TRPM1: variants seen among roughly 807,000 people sequenced by gnomAD.
The protein encoded by TRPM1 is transient receptor potential cation channel subfamily M member 1.
TRPM1 carries 113 observed loss-of-function variants against 149.4 expected under a neutral mutation model. The observed-to-expected ratio is 0.76, with a 90% confidence interval of 0.65 to 0.88. TRPM1 has a LOEUF of 0.88. Among genes scored for constraint, TRPM1 ranks in the 40% least tolerant of loss-of-function variants. TRPM1 has a pLI of 0.00. For missense variants in TRPM1, 1,976 were observed against 2,038.7 expected (o/e 0.97, Z 0.59); for synonymous variants, 741 against 759.5 (o/e 0.98, Z 0.40).
At chr15:31,088,537 T>C (rs2035077087) in intron 1 of TRPM1, among the ~76,000 whole-genome samples, 1 of 152,122 alleles carries the variant, frequency 6.6e-6, no homozygotes, top group African/African-American at 2.4e-5. Context: ...CTTTAAGAGC[T>C]GTAACACTTG....
intron 24 of TRPM1, 136 bp from the exon 25 acceptor site, chr15:31,028,612 G>C: frequency 8.5e-7 from 1 of 1,170,208 alleles, no homozygotes; most frequent in South Asian, 1.4e-5. Context: ...TTTTTTCCAT[G>C]GGAAAAAATA....
chr15:31,031,717 TAA>T (rs1432784228), intron 22 of TRPM1, among the ~76,000 whole-genome samples: 4 of 152,196 alleles, frequency 2.6e-5, no homozygotes, highest in African/African-American at 9.7e-5. Flanking sequence ...ACTTGCCCTA[TAA>T]AGAGTCCTTC....
chr15:31,143,204 A>G (rs933572028), intron 1 of TRPM1, among the ~76,000 whole-genome samples: 20 of 152,236 alleles, frequency 1.3e-4, no homozygotes, highest in Admixed American at 1.3e-3. Flanking sequence ...TTGAGATACT[A>G]TTGGACTGAG....
Position 31,113,555 on chromosome 15 carries a change from T to G in TRPM1, c.55-36571A>C, listed in dbSNP as rs190176875. ...ATTTTTCTTTGTACTCCTAAAATGTTTTTTTTTAACTTTAGGTTCCCCCAT... is the reference window on the plus strand; with the variant it reads ...ATTTTTCTTTGTACTCCTAAAATGTGTTTTTTTAACTTTAGGTTCCCCCAT... On this transcript the variant is annotated intron_variant, in intron 1 of 26. Transcript: ENST00000542188. 2.0e-4 allele frequency among the ~76,000 whole-genome samples: 31 copies of G among 152,122 alleles called. No homozygotes were observed. The East Asian group carries it at 3.1e-3, about 15-fold the overall frequency.
intron 1 of TRPM1, among the ~76,000 whole-genome samples, chr15:31,095,290 G>T (rs1203840802): frequency 6.6e-6 from 1 of 152,234 alleles, no homozygotes; most frequent in African/African-American, 2.4e-5. Flanking sequence ...AGGACAGAGA[G>T]ACAAGGTAGT....
At chr15:31,104,876 G>A (rs572588141), upstream of TRPM1, among the ~76,000 whole-genome samples, 5 of 152,164 alleles carry the variant, frequency 3.3e-5, no homozygotes, top group East Asian at 9.7e-4. Context: ...TTACAGGTGT[G>A]AGCCACCATG....
intron 1 of TRPM1, among the ~76,000 whole-genome samples, chr15:31,127,789 G>A (rs917669807): frequency 1.3e-5 from 2 of 152,196 alleles, no homozygotes; most frequent in Non-Finnish European, 2.9e-5. Flanking sequence ...TGAAACGAGG[G>A]CAGCCAGGGA....
At chr15:31,076,401 A>G (rs2241494) in intron 3 of TRPM1, among the ~76,000 whole-genome samples, 64,134 of 152,028 alleles carry the variant, frequency 0.42, 14,528 homozygotes, top group African/African-American at 0.58. Flanking sequence ...ATCTCTACTT[A>G]CATGACTTTA....
chr15:31,087,067 G>A (rs955131256), intron 1 of TRPM1, among the ~76,000 whole-genome samples: 1 of 151,786 alleles, frequency 6.6e-6, no homozygotes, highest in African/African-American at 2.4e-5. Context: ...TGAAAAAACA[G>A]GAAATAACAA....
intron 27 of TRPM1, among the ~76,000 whole-genome samples, chr15:31,014,785 A>G (rs138511426): frequency 1.3e-5 from 2 of 152,336 alleles, no homozygotes; most frequent in East Asian, 1.9e-4. Context: ...TCTGGAGTTC[A>G]TAACTTTATG....
chr15:31,026,043 G>C, intron 27 of TRPM1, 96 bp downstream of exon 27: 1 of 1,518,088 alleles, frequency 6.6e-7, no homozygotes, highest in Non-Finnish European at 9.0e-7. Context: ...AACTCGGAGT[G>C]CATGTTTAAA....
intron 27 of TRPM1, 130 bp from the exon 28 acceptor site, chr15:31,003,200 G>C (rs1420580002): frequency 1.2e-6 from 1 of 807,794 alleles, no homozygotes; most frequent in Non-Finnish European, 1.9e-6. Flanking sequence ...ATATTTACAA[G>C]CTTCACAATC....
intron 11 of TRPM1, among the ~76,000 whole-genome samples, chr15:31,054,690 A>G (rs978184846): frequency 2.0e-5 from 3 of 152,228 alleles, no homozygotes; most frequent in East Asian, 1.9e-4. Flanking sequence ...CAAATTGTAT[A>G]TATTTATGGT....
chr15:31,036,135 G>C (rs750947537), intron 20 of TRPM1, among the ~76,000 whole-genome samples: 3 of 152,112 alleles, frequency 2.0e-5, no homozygotes, highest in South Asian at 4.2e-4. Context: ...CCAGATATGC[G>C]AGCTGACCCT....
At chr15:31,104,766 T>G (rs1339069949), upstream of TRPM1, among the ~76,000 whole-genome samples, 1 of 151,912 alleles carries the variant, frequency 6.6e-6, no homozygotes, top group East Asian at 1.9e-4. Flanking sequence ...GCCAATTTTT[T>G]TGTATTTTTA....
At chr15:31,063,069 C>G in intron 8 of TRPM1, 49 bp downstream of exon 8, 2 of 1,611,570 alleles carry the variant, frequency 1.2e-6, no homozygotes, top group Non-Finnish European at 1.7e-6. Flanking sequence ...CTTGGCCCGA[C>G]AAAGAGGGAG....
At chr15:31,113,423 GCT>G (rs1356387719) in intron 1 of TRPM1, among the ~76,000 whole-genome samples, 1 of 115,014 alleles carries the variant, frequency 8.7e-6, no homozygotes, top group Non-Finnish European at 1.9e-5. Flanking sequence ...TCAATACCCA[GCT>G]CTGACAGTTT....
intron 1 of TRPM1, among the ~76,000 whole-genome samples, chr15:31,092,706 A>G (rs1448070872): frequency 6.6e-6 from 1 of 152,208 alleles, no homozygotes; most frequent in Non-Finnish European, 1.5e-5. Flanking sequence ...CGCACTGTTC[A>G]TAAGCACTCA....
At chr15:31,115,981 G>A (rs541160264) in intron 1 of TRPM1, among the ~76,000 whole-genome samples, 6 of 151,888 alleles carry the variant, frequency 4.0e-5, no homozygotes, top group African/African-American at 1.2e-4. Flanking sequence ...AGCTCTCCGG[G>A]GCCTCTTTTA....
Sources: gnomAD v4.1 joint callset for allele counts (sites outside exome capture counted in the v4.1 genomes callset) on GRCh38, gnomAD v4.1.1 for gene constraint, MANE v1.5 for transcripts, NCBI Gene and HGNC (gene_info 2026-07-23, HGNC 2026-07-21) for gene names.